Variants in CTNNA2 observed in about 807,000 individuals in gnomAD.
CTNNA2 encodes the protein catenin alpha 2.
In CTNNA2, 42 loss-of-function variants were observed where a neutral mutation model predicts 101.0. The ratio of observed to expected loss-of-function variants is 0.42; its 90% CI spans 0.32 to 0.54. The LOEUF (loss-of-function observed/expected upper bound fraction) is 0.54. Among genes scored for constraint, CTNNA2 ranks in the 20% least tolerant of loss-of-function variants. The pLI, the probability that CTNNA2 is intolerant of heterozygous loss-of-function variation, is 0.14. For synonymous variants in CTNNA2, 450 were observed against 456.4 expected (o/e 0.99, Z 0.18); for missense variants, 871 against 1,223.1 (o/e 0.71, Z 4.29).
intron 9 of CTNNA2, among the ~76,000 whole-genome samples, chr2:80,492,816 G>T (rs1412106714): frequency 6.6e-6 from 1 of 152,172 alleles, no homozygotes; most frequent in Non-Finnish European, 1.5e-5. Flanking sequence ...CAGAGTGGAA[G>T]TTGGTTTTCT....
At chr2:80,375,289 G>A (rs913865138) in intron 7 of CTNNA2, among the ~76,000 whole-genome samples, 2 of 152,130 alleles carry the variant, frequency 1.3e-5, no homozygotes, top group Admixed American at 1.3e-4. Context: ...TCCCCAGGAG[G>A]TAGGGATTTC....
chr2:79,206,039 A>T (rs567494329), intron 2 of CTNNA2, among the ~76,000 whole-genome samples: 1 of 152,326 alleles, frequency 6.6e-6, no homozygotes, highest in Non-Finnish European at 1.5e-5. Flanking sequence ...TTTTTAAAAC[A>T]GTCATTAAAT....
intron 12 of CTNNA2, among the ~76,000 whole-genome samples, chr2:80,569,580 T>C (rs994499845): frequency 4.0e-5 from 6 of 151,438 alleles, no homozygotes; most frequent in Non-Finnish European, 5.9e-5. Context: ...CAGCATCATA[T>C]TTGAGGAAGT....
chr2:79,390,901 ATG>A (rs1678164682), intron 4 of CTNNA2, among the ~76,000 whole-genome samples: 1 of 152,200 alleles, frequency 6.6e-6, no homozygotes, highest in South Asian at 2.1e-4. Flanking sequence ...AAATGAAAGA[ATG>A]TGTGATTGAT....
At position 80,467,502 on chromosome 2, in the gene CTNNA2, C is replaced by T. The variant is rs1320902375; in HGVS notation, c.1290+47901C>T. On this transcript the variant is annotated intron_variant, in intron 9 of 18. Coordinates refer to ENST00000402739, the MANE Select transcript of CTNNA2 (RefSeq NM_001282597.3). ...AGTTCAAAATAAAAGTTGCAAAAAA[C>T]CCCAAAACTTCACTTTAATGATCTA... Among the ~76,000 whole-genome samples, 4 of 152,102 alleles carry T rather than the reference C, an allele frequency of 2.6e-5. No individual in the cohort carries two copies. The East Asian group carries it at 5.8e-4, about 22-fold the overall frequency.
chr2:80,391,453 C>G (rs1020204832), intron 7 of CTNNA2, among the ~76,000 whole-genome samples: 1 of 152,150 alleles, frequency 6.6e-6, no homozygotes, highest in African/African-American at 2.4e-5. Flanking sequence ...CTGTTGCAGC[C>G]AAGTTTTCAA....
At chr2:80,629,931 C>G (rs563128954) in intron 18 of CTNNA2, among the ~76,000 whole-genome samples, 2 of 152,300 alleles carry the variant, frequency 1.3e-5, no homozygotes, top group South Asian at 4.1e-4. Flanking sequence ...CCTTTCAAGT[C>G]TTCCCTCTGG....
At chr2:80,595,796 A>C (rs887580691) in intron 15 of CTNNA2, among the ~76,000 whole-genome samples, 1 of 152,160 alleles carries the variant, frequency 6.6e-6, no homozygotes, top group African/African-American at 2.4e-5. Flanking sequence ...GTCAGGTAGC[A>C]TGATGCCTCC....
At chr2:79,688,051 A>T (rs1331287717) in intron 2 of CTNNA2, among the ~76,000 whole-genome samples, 5 of 152,180 alleles carry the variant, frequency 3.3e-5, no homozygotes, top group Non-Finnish European at 5.9e-5. Context: ...GGCCCTAAAC[A>T]AAATTTCAGC....
chr2:79,608,640 A>T (rs1408120416), intron 1 of CTNNA2, among the ~76,000 whole-genome samples: 1 of 151,412 alleles, frequency 6.6e-6, no homozygotes, highest in East Asian at 1.9e-4. Flanking sequence ...TTATATTAAA[A>T]ATGATTAAAG....
rs1165644299 is a variant in CTNNA2, at chr2:79,792,726, C to CTAA, written c.298+48145_298+48146insAAT. Among the ~76,000 whole-genome samples, 5 of 152,262 alleles carry CTAA rather than the reference C, an allele frequency of 3.3e-5. No homozygotes were observed. The South Asian group carries it at 1.0e-3, about 32-fold the overall frequency. ...TGGTTTTGTGATATTAGAAAAATCA[C>CTAA]TTACCATTCTGCCCTCAGTTCCTAA... On this transcript the variant is annotated intron_variant, in intron 3 of 18. Coordinates refer to ENST00000402739, the MANE Select transcript of CTNNA2 (RefSeq NM_001282597.3).
At chr2:79,674,999 A>T (rs1354320767) in intron 2 of CTNNA2, among the ~76,000 whole-genome samples, 1 of 152,194 alleles carries the variant, frequency 6.6e-6, no homozygotes, top group Admixed American at 6.5e-5. Flanking sequence ...CTCATTTTTA[A>T]ATATCTTGTA....
At chr2:79,301,083 A>T (rs546184819) in intron 2 of CTNNA2, among the ~76,000 whole-genome samples, 3 of 152,304 alleles carry the variant, frequency 2.0e-5, no homozygotes, top group Admixed American at 6.5e-5. Flanking sequence ...TAGCTGACAC[A>T]TTCCATATTA....
chr2:80,097,541 G>A (rs564663064), intron 7 of CTNNA2, among the ~76,000 whole-genome samples: 1 of 152,198 alleles, frequency 6.6e-6, no homozygotes, highest in East Asian at 1.9e-4. Flanking sequence ...TCCTGAATTT[G>A]AATGTTGGCC....
intron 7 of CTNNA2, among the ~76,000 whole-genome samples, chr2:79,971,430 A>G (rs1229617928): frequency 6.6e-6 from 1 of 151,960 alleles, no homozygotes; most frequent in Non-Finnish European, 1.5e-5. Flanking sequence ...TTATCTCCAC[A>G]GTGCCTCGAT....
At chr2:80,544,643 C>T (rs1015970475) in intron 9 of CTNNA2, among the ~76,000 whole-genome samples, 3 of 151,962 alleles carry the variant, frequency 2.0e-5, no homozygotes, top group East Asian at 1.9e-4. Context: ...CTGATATGGC[C>T]GAGATCACAG....
intron 14 of CTNNA2, among the ~76,000 whole-genome samples, chr2:80,582,654 C>T (rs1695639873): frequency 6.6e-6 from 1 of 152,024 alleles, no homozygotes. Context: ...AATTTTCCTC[C>T]CCTTAAGGGC....
intron 8 of CTNNA2, among the ~76,000 whole-genome samples, chr2:80,414,000 T>C (rs1424721133): frequency 6.6e-6 from 1 of 152,226 alleles, no homozygotes; most frequent in Non-Finnish European, 1.5e-5. Flanking sequence ...AAACATCATC[T>C]ACCCAGCCTC....
intron 6 of CTNNA2, among the ~76,000 whole-genome samples, chr2:79,878,866 T>G (rs1464294127): frequency 6.6e-6 from 1 of 152,204 alleles, no homozygotes; most frequent in Non-Finnish European, 1.5e-5. Flanking sequence ...TGCAATTGCT[T>G]TTGGTGTTTT....
Sources: allele counts gnomAD v4.1 joint callset (sites outside exome capture counted in the v4.1 genomes callset), GRCh38; gene constraint gnomAD v4.1.1; transcripts MANE v1.5; gene names NCBI Gene and HGNC (gene_info 2026-07-23, HGNC 2026-07-21).